The following PACRG variants were observed in gnomAD, a reference collection of about 807,000 sequenced individuals.
The protein encoded by PACRG is parkin coregulated.
Under a neutral mutation model 29.7 loss-of-function variants are expected in PACRG, and 29 were observed. The ratio of observed to expected loss-of-function variants is 0.98; its 90% CI spans 0.73 to 1.33. PACRG has a LOEUF of 1.33. Among genes scored for constraint, PACRG ranks in the 40% most tolerant of loss-of-function variants. The probability of loss-of-function intolerance (pLI) is 0.00; values close to 1 mark genes in which losing one functional copy is unlikely to be tolerated. For synonymous variants in PACRG, 116 were observed against 118.7 expected, an observed-to-expected ratio of 0.98 and a Z score of 0.15; for missense variants, 279 against 316.2, an observed-to-expected ratio of 0.88 and a Z score of 0.89.
rs559383120 is a variant in PACRG, at chr6:162,910,528, AATAAAT to A, written c.291+96248_291+96253del. On this transcript the variant is annotated intron_variant, in intron 2 of 4. Transcript: ENST00000366888. ...GATAGTTGAACATAGATAGTTGAGA[AATAAAT>A]GCCAACATTTTCATTTGAATTGAAA... Among the ~76,000 whole-genome samples, 11 of 152,344 alleles carry A rather than the reference AATAAAT, an allele frequency of 7.2e-5. No individual in the cohort carries two copies. In the South Asian group the frequency reaches 2.3e-3, roughly 32 times the overall value.
chr6:162,773,649 G>T (rs1417261131), intron 1 of PACRG, among the ~76,000 whole-genome samples: 1 of 151,252 alleles, frequency 6.6e-6, no homozygotes, highest in African/African-American at 2.4e-5. Flanking sequence ...CGAGTAGCTG[G>T]GACTACAGGC....
At chr6:163,084,865 ATATAT>A (rs1356367064) in intron 3 of PACRG, among the ~76,000 whole-genome samples, 1 of 147,070 alleles carries the variant, frequency 6.8e-6, no homozygotes, top group Non-Finnish European at 1.5e-5. Context: ...TATATAATAT[ATATAT>A]TATATTATAT....
At chr6:162,744,201 A>G in intron 1 of PACRG, among the ~76,000 whole-genome samples, 1 of 152,188 alleles carries the variant, frequency 6.6e-6, no homozygotes, top group East Asian at 1.9e-4. Flanking sequence ...AAATGTTCCT[A>G]TGAAAACTTG....
chr6:163,061,100 G>C (rs1463324774), intron 2 of PACRG, among the ~76,000 whole-genome samples: 3 of 152,106 alleles, frequency 2.0e-5, no homozygotes, highest in African/African-American at 7.2e-5. Context: ...CACTTGATTA[G>C]AAGGTGGTAA....
chr6:162,865,583 T>C (rs544154325), intron 2 of PACRG, among the ~76,000 whole-genome samples: 1 of 152,328 alleles, frequency 6.6e-6, no homozygotes, highest in Non-Finnish European at 1.5e-5. Context: ...CTCTGCTATA[T>C]GATCCTGAAA....
intron 1 of PACRG, among the ~76,000 whole-genome samples, chr6:162,809,770 C>T (rs564016100): frequency 1.3e-5 from 2 of 152,138 alleles, no homozygotes; most frequent in South Asian, 2.1e-4. Context: ...AACTATGTGA[C>T]TTCTAGAAAA....
At chr6:163,079,576 T>G (rs200900291) in intron 3 of PACRG, among the ~76,000 whole-genome samples, 1 of 152,208 alleles carries the variant, frequency 6.6e-6, no homozygotes, top group East Asian at 1.9e-4. Context: ...TTGGCTGGCC[T>G]TATTCCAGAG....
chr6:163,246,063 G>A (rs139404602), intron 4 of PACRG, among the ~76,000 whole-genome samples: 82 of 152,256 alleles, frequency 5.4e-4, no homozygotes, highest in African/African-American at 1.9e-3. Flanking sequence ...ACAGCCCATC[G>A]TCCACTCAGT....
At chr6:163,213,684 A>C (rs998073730) in intron 4 of PACRG, among the ~76,000 whole-genome samples, 2 of 151,784 alleles carry the variant, frequency 1.3e-5, no homozygotes, top group Non-Finnish European at 2.9e-5. Context: ...TTTTTTTCTC[A>C]TTGATTGGTA....
chr6:163,233,242 T>A (rs1228024745), intron 4 of PACRG, among the ~76,000 whole-genome samples: 3 of 152,224 alleles, frequency 2.0e-5, no homozygotes, highest in Admixed American at 2.0e-4. Context: ...AGATTTAAAT[T>A]ATTTAGGGAC....
chr6:163,215,086 A>G lies in PACRG; in HGVS notation c.614-99741A>G, dbSNP rs183847798. Among the ~76,000 whole-genome samples the G allele has an allele frequency of 5.1e-4, 77 of 152,062 alleles. No individual in the cohort carries two copies. In the South Asian group the frequency reaches 0.013, roughly 25 times the overall value. ...GTAATTTTTTTTTATCTACCCATGT[A>G]TTCAGGAAATAAATGCCACTCAGTC... On this transcript the variant is annotated intron_variant, in intron 4 of 4. Coordinates refer to ENST00000366888, the MANE Select transcript of PACRG (RefSeq NM_001080379.2).
In PACRG at chr6:162,777,892, CTTCCTTCTTTCA is replaced by C. The variant is rs1273193635; in HGVS notation, c.157-36247_157-36236del. ...CCTTCCCACCCTCCTTCCTTCTTTCCTTCCTTCTTTCATTCCTTCCTTCCATCTCCTTTCTCC... is the reference window on the plus strand; with the variant it reads ...CCTTCCCACCCTCCTTCCTTCTTTCCTTCCTTCCTTCCATCTCCTTTCTCC... On this transcript the variant is annotated intron_variant, in intron 1 of 4. Transcript: ENST00000366888. This position sits in a 1 kb window ranked among gnomAD's most constrained non-coding sequence, Gnocchi z 4.0. 2.6e-5 allele frequency among the ~76,000 whole-genome samples: 4 copies of C among 151,934 alleles called. No individual in the cohort carries two copies. Among genetic ancestry groups the C allele is most frequent in the African/African-American group, 9.7e-5 (4 of 41,344 alleles).
Position 163,281,316 on chromosome 6 carries a change from T to C in PACRG, c.614-33511T>C, listed in dbSNP as rs117356709. On this transcript the variant is annotated intron_variant, in intron 4 of 4. Coordinates refer to ENST00000366888, the MANE Select transcript of PACRG (RefSeq NM_001080379.2). ...GTGAGGAAGAGCAGATCATTGCCAT[T>C]GAAGAAGCCCTTGGCTCCTGTGGAG... 3.7e-4 allele frequency among the ~76,000 whole-genome samples: 56 copies of C among 152,244 alleles called. No individual in the cohort carries two copies. In the East Asian group the frequency reaches 8.3e-3, roughly 23 times the overall value.
intron 2 of PACRG, among the ~76,000 whole-genome samples, chr6:162,977,859 T>A (rs1802084121): frequency 6.6e-6 from 1 of 152,128 alleles, no homozygotes; most frequent in South Asian, 2.1e-4. Context: ...TAAAGATGTT[T>A]ATGGCCAGGC....
At chr6:163,312,673 G>T (rs764524245) in intron 4 of PACRG, 6 of 312,130 alleles carry the variant, frequency 1.9e-5, no homozygotes, top group Non-Finnish European at 3.8e-5. Context: ...AAAGTGTATC[G>T]TTGTTTTCCT....
chr6:162,843,064 A>G (rs958562417), intron 2 of PACRG, among the ~76,000 whole-genome samples: 16 of 148,094 alleles, frequency 1.1e-4, no homozygotes, highest in Admixed American at 2.0e-4. Context: ...TGAATCTGAC[A>G]ATTATGTGTC....
intron 4 of PACRG, among the ~76,000 whole-genome samples, chr6:163,105,773 G>C (rs774790562): frequency 3.3e-5 from 5 of 152,140 alleles, no homozygotes; most frequent in African/African-American, 4.8e-5. Context: ...AGTCAAATCA[G>C]TCATGGAAAG....
chr6:163,251,413 G>A (rs1782900572), intron 4 of PACRG, among the ~76,000 whole-genome samples: 1 of 152,114 alleles, frequency 6.6e-6, no homozygotes, highest in Non-Finnish European at 1.5e-5. Context: ...AACACGTCGG[G>A]GACTTCCCGG....
chr6:163,001,710 T>C (rs1397342792), intron 2 of PACRG, among the ~76,000 whole-genome samples: 1 of 152,230 alleles, frequency 6.6e-6, no homozygotes. Flanking sequence ...CATTATATGA[T>C]CTTGTTTGTG....
Sources: gnomAD v4.1 joint callset for allele counts (sites outside exome capture counted in the v4.1 genomes callset) on GRCh38, gnomAD v4.1.1 for gene constraint, Gnocchi (gnomAD v3.1) non-coding constraint, MANE v1.5 for transcripts, NCBI Gene and HGNC (gene_info 2026-07-23, HGNC 2026-07-21) for gene names.